The following GHR variants were observed in gnomAD, a reference collection of about 807,000 sequenced individuals.
GHR encodes the protein GH receptor.
In GHR, 35 loss-of-function variants were observed where a neutral mutation model predicts 67.1. That is an observed-to-expected ratio of 0.52 (90% CI 0.40 to 0.69). GHR has a LOEUF of 0.69. GHR is among the 30% of genes least tolerant of loss of function. GHR has a pLI of 0.00. For missense variants in GHR, 792 were observed against 764.6 expected, an observed-to-expected ratio of 1.04 and a Z score of -0.42; for synonymous variants, 272 against 269.1, an observed-to-expected ratio of 1.01 and a Z score of -0.10.
intron 2 of GHR, among the ~76,000 whole-genome samples, chr5:42,594,241 A>G (rs1751948161): frequency 6.6e-6 from 1 of 152,234 alleles, no homozygotes; most frequent in Non-Finnish European, 1.5e-5. Flanking sequence ...TTATAAAAGT[A>G]CAAAAGCCCT....
At chr5:42,677,571 C>G (rs1756633036) in intron 3 of GHR, among the ~76,000 whole-genome samples, 1 of 152,108 alleles carries the variant, frequency 6.6e-6, no homozygotes, top group Non-Finnish European at 1.5e-5. Flanking sequence ...CACCTCTGAA[C>G]AGTGAGGGAA....
intron 2 of GHR, among the ~76,000 whole-genome samples, chr5:42,613,898 G>A (rs1355954065): frequency 6.6e-6 from 1 of 152,044 alleles, no homozygotes; most frequent in Non-Finnish European, 1.5e-5. Flanking sequence ...AAGTCTAAAT[G>A]ATTGAGTCAA....
intron 1 of GHR, among the ~76,000 whole-genome samples, chr5:42,553,810 A>G (rs1056608108): frequency 3.3e-5 from 5 of 152,196 alleles, no homozygotes; most frequent in Admixed American, 3.3e-4. Flanking sequence ...GGCTGATTTC[A>G]TCTATACAAG....
At chr5:42,529,999 CTTTTTTTTTTTTTTT>C (rs376534691) in intron 1 of GHR, among the ~76,000 whole-genome samples, 1 of 57,568 alleles carries the variant, frequency 1.7e-5, no homozygotes, top group African/African-American at 6.8e-5. Context: ...TGAATCACTT[CTTTTTTTTTTTTTTT>C]TTTTTTTTTG....
intron 1 of GHR, among the ~76,000 whole-genome samples, chr5:42,510,688 A>G (rs1561085922): frequency 6.6e-6 from 1 of 152,226 alleles, no homozygotes; most frequent in Non-Finnish European, 1.5e-5. Context: ...TTAAAAATGC[A>G]CAAAAACAGT....
chr5:42,487,580 A>G (rs1469342374), intron 1 of GHR, among the ~76,000 whole-genome samples: 1 of 152,210 alleles, frequency 6.6e-6, no homozygotes, highest in Non-Finnish European at 1.5e-5. Flanking sequence ...ACAAATCAAC[A>G]GAAGCGACCT....
At chr5:42,629,152 T>C in intron 3 of GHR, 49 bp downstream of exon 3, 1 of 947,602 alleles carries the variant, frequency 1.1e-6, no homozygotes, top group Non-Finnish European at 1.7e-6. Context: ...TTCCATGTTT[T>C]AGTGTAATTA....
At chr5:42,486,846 CAA>C (rs367995012) in intron 1 of GHR, among the ~76,000 whole-genome samples, 22 of 58,114 alleles carry the variant, frequency 3.8e-4, no homozygotes, top group East Asian at 5.1e-4. Flanking sequence ...GACTCCGTCT[CAA>C]AAAAAAAAAA....
intron 1 of GHR, among the ~76,000 whole-genome samples, chr5:42,453,825 T>C (rs1744149161): frequency 6.6e-6 from 1 of 152,194 alleles, no homozygotes; most frequent in Non-Finnish European, 1.5e-5. Flanking sequence ...GGACTCCTTT[T>C]CCAAGGCCCT....
At chr5:42,561,181 C>T (rs1328450146) in intron 1 of GHR, among the ~76,000 whole-genome samples, 1 of 152,208 alleles carries the variant, frequency 6.6e-6, no homozygotes. Context: ...CCATATCCAC[C>T]AAAGCCTTAT....
chr5:42,586,670 T>C (rs1196844425), intron 2 of GHR, among the ~76,000 whole-genome samples: 1 of 152,140 alleles, frequency 6.6e-6, no homozygotes, highest in African/African-American at 2.4e-5. Flanking sequence ...AAAAGCAGAG[T>C]GAAGCCTCGG....
intron 1 of GHR, among the ~76,000 whole-genome samples, chr5:42,481,827 A>T (rs965316624): frequency 6.6e-6 from 1 of 152,106 alleles, no homozygotes; most frequent in South Asian, 2.1e-4. Context: ...CATTGGCTCA[A>T]ACTTCCTCCT....
intron 3 of GHR, among the ~76,000 whole-genome samples, chr5:42,635,858 T>C (rs371516095): frequency 2.6e-5 from 4 of 152,030 alleles, no homozygotes; most frequent in Admixed American, 2.6e-4. Context: ...AATAAGAAAA[T>C]AGTTAGAAAT....
chr5:42,465,522 GT>G (rs1279492673), intron 1 of GHR: 2 of 1,531,312 alleles, frequency 1.3e-6, no homozygotes, highest in Admixed American at 1.7e-5. Flanking sequence ...ACTGGATGAT[GT>G]TCTTCACCTT....
At chr5:42,638,387 CTTA>C (rs1437688816) in intron 3 of GHR, among the ~76,000 whole-genome samples, 8 of 152,132 alleles carry the variant, frequency 5.3e-5, no homozygotes, top group Non-Finnish European at 8.8e-5. Flanking sequence ...TCATGCATCA[CTTA>C]ACAGTGGGGA....
At chr5:42,429,762 A>G (rs1026232296) in intron 1 of GHR, among the ~76,000 whole-genome samples, 4 of 152,240 alleles carry the variant, frequency 2.6e-5, no homozygotes, top group African/African-American at 4.8e-5. Context: ...TACCGAAAGT[A>G]GAATGTTCCA....
In GHR at chr5:42,424,404, G is replaced by A. The variant is rs1332071204; in HGVS notation, c.-12+449G>A. The stretch of plus-strand genomic sequence containing the variant: ...CATCTGCCTGGCTGCGGCAGGAACT[G>A]CCGAGGCTGCTGCTGTTGCGCGGGG... On this transcript the variant is annotated intron_variant, in intron 1 of 9. Coordinates refer to ENST00000230882, the MANE Select transcript of GHR (RefSeq NM_000163.5). This position sits in a 1 kb window ranked among gnomAD's most constrained non-coding sequence, Gnocchi z 4.1. 3.3e-6 allele frequency: 2 copies of A among 604,444 alleles called. No individual in the cohort carries two copies. The highest frequency in any genetic ancestry group is 2.8e-5 in the Admixed American group (1 of 35,604). 37.4% of individuals were successfully genotyped at this position (604,444 alleles called of 1,614,324 possible).
chr5:42,637,174 T>G (rs554515892), intron 3 of GHR, among the ~76,000 whole-genome samples: 1 of 152,268 alleles, frequency 6.6e-6, no homozygotes, highest in African/African-American at 2.4e-5. Context: ...GTGTTTACTT[T>G]AGGGCTACAG....
chr5:42,563,500 C>T (rs1410791305), intron 1 of GHR, among the ~76,000 whole-genome samples: 1 of 151,900 alleles, frequency 6.6e-6, no homozygotes, highest in Non-Finnish European at 1.5e-5. Context: ...CGCCTGTAGT[C>T]CCAGCTACTC....
Sources: gnomAD v4.1 joint callset for allele counts (sites outside exome capture counted in the v4.1 genomes callset) on GRCh38, gnomAD v4.1.1 for gene constraint, Gnocchi (gnomAD v3.1) non-coding constraint, MANE v1.5 for transcripts, NCBI Gene and HGNC (gene_info 2026-07-23, HGNC 2026-07-21) for gene names.